The following DYM variants were observed in gnomAD, a reference collection of about 807,000 sequenced individuals.
DYM encodes dymeclin.
In DYM, 78 loss-of-function variants were observed where a neutral mutation model predicts 93.1. That is an observed-to-expected ratio of 0.84 (90% CI 0.70 to 1.01). DYM has a LOEUF of 1.01. Ranked by LOEUF, DYM falls within the 50% of genes least tolerant of loss-of-function variation. The pLI is 0.00. For missense variants in DYM, 789 were observed against 845.0 expected (o/e 0.93, Z 0.82); for synonymous variants, 321 against 319.7 (o/e 1.00, Z -0.04).
At chr18:49,124,630 G>A (rs1426763404) in intron 15 of DYM, among the ~76,000 whole-genome samples, 3 of 152,048 alleles carry the variant, frequency 2.0e-5, no homozygotes, top group African/African-American at 7.2e-5. Context: ...TAGAGTTATT[G>A]GGTATTTTAC....
chr18:49,289,760 T>TACACAC (rs1568181206), intron 8 of DYM, among the ~76,000 whole-genome samples: 3 of 37,568 alleles, frequency 8.0e-5, no homozygotes, highest in Non-Finnish European at 1.0e-4. Flanking sequence ...TATATATATA[T>TACACAC]ATATATATAT....
At chr18:49,327,309 G>C (rs2062969079) in intron 8 of DYM, among the ~76,000 whole-genome samples, 2 of 151,788 alleles carry the variant, frequency 1.3e-5, no homozygotes, top group Admixed American at 1.3e-4. Context: ...TGGGTAGATG[G>C]GAGTTCATTC....
At chr18:49,046,879 G>A (rs1438430716) in intron 17 of DYM, among the ~76,000 whole-genome samples, 1 of 152,176 alleles carries the variant, frequency 6.6e-6, no homozygotes, top group East Asian at 1.9e-4. Context: ...GGGCCTAAGA[G>A]TGATATCCTG....
chr18:49,441,061 ATATTATATAT>A (rs2081426840), intron 1 of DYM, among the ~76,000 whole-genome samples: 1 of 8,732 alleles, frequency 1.1e-4, no homozygotes, highest in African/African-American at 2.9e-4. Flanking sequence ...ATATTTATAT[ATATTATATAT>A]AAATATTATA....
chr18:49,094,446 T>C (rs2079365093), intron 17 of DYM, among the ~76,000 whole-genome samples: 1 of 152,208 alleles, frequency 6.6e-6, no homozygotes, highest in East Asian at 1.9e-4. Flanking sequence ...TGACTCAGGA[T>C]TTCAGAGCCT....
intron 6 of DYM, among the ~76,000 whole-genome samples, chr18:49,346,556 A>G (rs1458397631): frequency 6.6e-6 from 1 of 152,192 alleles, no homozygotes; most frequent in Non-Finnish European, 1.5e-5. Flanking sequence ...CTAGAATTAG[A>G]TAGTGGTGTT....
chr18:49,337,179 T>C (rs770083658), intron 6 of DYM, among the ~76,000 whole-genome samples: 2 of 152,224 alleles, frequency 1.3e-5, no homozygotes, highest in African/African-American at 2.4e-5. Flanking sequence ...TCAGGTAATA[T>C]GTATTCATAA....
At chr18:49,196,493 T>C (rs2091463210) in intron 14 of DYM, among the ~76,000 whole-genome samples, 1 of 152,030 alleles carries the variant, frequency 6.6e-6, no homozygotes. Flanking sequence ...GAACTAATGA[T>C]CTACTCTTAG....
chr18:49,202,939 T>C (rs1456321360), intron 14 of DYM, among the ~76,000 whole-genome samples: 1 of 128,260 alleles, frequency 7.8e-6, no homozygotes, highest in Non-Finnish European at 1.7e-5. Context: ...AGCCGCCCCA[T>C]CCGGGAGGGA....
chr18:49,092,500 G>A (rs1037395786), intron 17 of DYM, among the ~76,000 whole-genome samples: 2 of 152,166 alleles, frequency 1.3e-5, no homozygotes, highest in Non-Finnish European at 2.9e-5. Flanking sequence ...GCTCTGCAAC[G>A]CAAGGGGGTG....
intron 10 of DYM, among the ~76,000 whole-genome samples, chr18:49,280,933 A>G (rs1443740133): frequency 6.6e-6 from 1 of 152,242 alleles, no homozygotes; most frequent in Non-Finnish European, 1.5e-5. Context: ...AATGGCAACA[A>G]AAGCCAAAAT....
intron 6 of DYM, among the ~76,000 whole-genome samples, chr18:49,340,041 C>T (rs1291946396): frequency 6.6e-6 from 1 of 151,828 alleles, no homozygotes; most frequent in Non-Finnish European, 1.5e-5. Context: ...AGCTCCGCCT[C>T]CTGGATTCAC....
intron 9 of DYM, among the ~76,000 whole-genome samples, chr18:49,282,692 A>G (rs915368020): frequency 6.6e-6 from 1 of 152,196 alleles, no homozygotes; most frequent in African/African-American, 2.4e-5. Flanking sequence ...TTTCCCATTA[A>G]CATAGCTGAA....
In DYM at chr18:49,135,435, G is replaced by A. The variant is rs145058043; in HGVS notation, c.1729-16509C>T. On this transcript the variant is annotated intron_variant, in intron 15 of 17. Coordinates refer to ENST00000675505, the MANE Select transcript of DYM (RefSeq NM_001353214.3). ...CTATTTACTGCTTATATGACCGTGG[G>A]CGAGGGTCTGAACCTTGATTTCATT... Among the ~76,000 whole-genome samples the A allele has an allele frequency of 7.4e-4, 113 of 152,276 alleles. 3 individuals are homozygous for A. Among genetic ancestry groups the A allele is most frequent in the African/African-American group, 2.5e-3 (105 of 41,552 alleles).
chr18:49,122,834 G>C (rs1444577837), intron 15 of DYM, among the ~76,000 whole-genome samples: 1 of 152,132 alleles, frequency 6.6e-6, no homozygotes, highest in South Asian at 2.1e-4. Context: ...AGTATATTCG[G>C]AGTGCATTTT....
intron 8 of DYM, among the ~76,000 whole-genome samples, chr18:49,327,180 T>A (rs1164423073): frequency 1.3e-5 from 2 of 152,118 alleles, no homozygotes; most frequent in Non-Finnish European, 1.5e-5. Context: ...TTTGTGATAT[T>A]TTTATTTTGG....
chr18:49,263,032 A>C (rs1191814923), intron 11 of DYM, among the ~76,000 whole-genome samples: 1 of 152,192 alleles, frequency 6.6e-6, no homozygotes, highest in Non-Finnish European at 1.5e-5. Flanking sequence ...AATCACACAG[A>C]TTTTGAAAAC....
chr18:49,176,539 T>C (rs2089397985), intron 14 of DYM, among the ~76,000 whole-genome samples: 1 of 150,858 alleles, frequency 6.6e-6, no homozygotes, highest in African/African-American at 2.4e-5. Flanking sequence ...GCCTCCTGAA[T>C]AGCTGGGACA....
chr18:49,207,264 T>C (rs969963732), intron 14 of DYM, among the ~76,000 whole-genome samples: 2 of 152,192 alleles, frequency 1.3e-5, no homozygotes, highest in African/African-American at 4.8e-5. Context: ...TGATATGCTA[T>C]ACGATGTATA....
Sources: allele counts gnomAD v4.1 joint callset (sites outside exome capture counted in the v4.1 genomes callset), GRCh38; gene constraint gnomAD v4.1.1; transcripts MANE v1.5; gene names NCBI Gene and HGNC (gene_info 2026-07-23, HGNC 2026-07-21).